BLTP1: variants seen among roughly 807,000 people sequenced by gnomAD.
The protein encoded by BLTP1 is bridge-like lipid transfer protein family member 1.
chr4:122,333,768 T>G, the BLTP1 span: 1 of 1,611,266 alleles, frequency 6.2e-7, no homozygotes, highest in South Asian at 1.1e-5. Flanking sequence ...GCCTAGTGAC[T>G]TAGAAACAAC....
chr4:122,271,733 C>T, the BLTP1 span: 2 of 1,518,044 alleles, frequency 1.3e-6, no homozygotes, highest in South Asian at 2.6e-5. Context: ...AGGTAACAGA[C>T]ATTTTTATGT....
At chr4:122,316,770 C>T in the BLTP1 span, 1 of 1,612,552 alleles carries the variant, frequency 6.2e-7, no homozygotes, top group Non-Finnish European at 8.5e-7. Context: ...CATCTGCTAG[C>T]CAGCCGGGAG....
chr4:122,175,999 G>T, the BLTP1 span: 11 of 746,138 alleles, frequency 1.5e-5, no homozygotes, highest in East Asian at 2.9e-4. Flanking sequence ...GATATGACCA[G>T]TTAGAAAAGT....
chr4:122,173,315 G>A, the BLTP1 span: 2 of 259,414 alleles, frequency 7.7e-6, no homozygotes, highest in Admixed American at 6.5e-5. Context: ...AGTTGAGGGG[G>A]TGCATCTGGT....
the BLTP1 span, chr4:122,250,297 T>G: frequency 6.8e-7 from 1 of 1,472,406 alleles, no homozygotes; most frequent in South Asian, 1.2e-5. Flanking sequence ...ATACAGATAT[T>G]GTAGAGTACA....
At chr4:122,186,087 A>G in the BLTP1 span, 1 of 1,611,506 alleles carries the variant, frequency 6.2e-7, no homozygotes, top group Non-Finnish European at 8.5e-7. Flanking sequence ...TTTGAATTTC[A>G]TGTCTATAAT....
the BLTP1 span, chr4:122,154,148 T>G: frequency 1.1e-6 from 1 of 899,366 alleles, no homozygotes. Context: ...AAAGGTCAAA[T>G]TTTCGGTTAA....
At chr4:122,178,498 A>G in the BLTP1 span, among the ~76,000 whole-genome samples, 12 of 152,338 alleles carry the variant, frequency 7.9e-5, no homozygotes, top group South Asian at 2.3e-3. Context: ...CTTGCTGGGC[A>G]TGTACGACAG....
At chr4:122,324,533 C>G in the BLTP1 span, 2 of 1,606,404 alleles carry the variant, frequency 1.2e-6, no homozygotes, top group Non-Finnish European at 1.7e-6. Context: ...ATGGAAAGGG[C>G]AAGGTAATAT....
the BLTP1 span, chr4:122,246,091 TTGTGGATGA>T: frequency 6.8e-7 from 1 of 1,481,316 alleles, no homozygotes; most frequent in Non-Finnish European, 9.0e-7. Flanking sequence ...TGAGTTGCTG[TTGTGGATGA>T]TGTGGAAGTT....
At chr4:122,281,472 A>G in the BLTP1 span, 22 of 1,440,326 alleles carry the variant, frequency 1.5e-5, no homozygotes, top group Middle Eastern at 1.8e-4. Context: ...AAATCCAGTG[A>G]TTTTCTACAA....
the BLTP1 span, chr4:122,223,054 C>T: frequency 3.7e-6 from 3 of 818,332 alleles, no homozygotes; most frequent in African/African-American, 1.9e-5. Context: ...GACCACTCTC[C>T]CCAGTTCCCT....
the BLTP1 span, among the ~76,000 whole-genome samples, chr4:122,230,613 T>C: frequency 1.3e-5 from 2 of 152,130 alleles, no homozygotes; most frequent in Non-Finnish European, 2.9e-5. Flanking sequence ...AAAACTCCTT[T>C]TATGGGCCTT....
the BLTP1 span, among the ~76,000 whole-genome samples, chr4:122,275,454 A>G: frequency 9.9e-5 from 15 of 152,106 alleles, no homozygotes; most frequent in African/African-American, 3.6e-4. Context: ...GATTCCACGA[A>G]TCCTTCATTT....
chr4:122,328,479 TAACA>T, the BLTP1 span: 2 of 833,298 alleles, frequency 2.4e-6, no homozygotes, highest in African/African-American at 1.7e-5. Context: ...TGAGTGAGAC[TAACA>T]GACTCATTAA....
chr4:122,202,007 G>A, the BLTP1 span: 2 of 404,854 alleles, frequency 4.9e-6, no homozygotes, highest in African/African-American at 2.2e-5. Flanking sequence ...CAGTTTCCTT[G>A]TTTGTGAAAT....
chr4:122,343,923 T>C, the BLTP1 span: 1 of 898,420 alleles, frequency 1.1e-6, no homozygotes, highest in South Asian at 5.1e-5. Flanking sequence ...TGTCCATTTA[T>C]ACAACAAACT....
At chr4:122,349,869 C>T in the BLTP1 span, 1 of 1,613,420 alleles carries the variant, frequency 6.2e-7, no homozygotes, top group South Asian at 1.1e-5. The surrounding 1 kb of genome is among the most constrained non-coding windows in gnomAD (Gnocchi z 4.5). Context: ...AGATTTTCGT[C>T]CATGGAGATT....
At chr4:122,227,140 T>A in the BLTP1 span, 1 of 928,000 alleles carries the variant, frequency 1.1e-6, no homozygotes, top group Non-Finnish European at 1.3e-6. Flanking sequence ...GGCTATATAT[T>A]TATGTAGAAG....
Sources: allele counts gnomAD v4.1 joint callset (sites outside exome capture counted in the v4.1 genomes callset), GRCh38; gene constraint gnomAD v4.1.1; non-coding constraint Gnocchi (gnomAD v3.1); transcripts MANE v1.5; gene names NCBI Gene and HGNC (gene_info 2026-07-23, HGNC 2026-07-21).